Variants in MACROD2 observed in about 807,000 individuals in gnomAD.
MACROD2 encodes the protein ADP-ribose glycohydrolase MACROD2.
MACROD2 carries 36 observed loss-of-function variants against 70.4 expected under a neutral mutation model. That is an observed-to-expected ratio of 0.51 (90% CI 0.39 to 0.68). MACROD2 has a LOEUF of 0.68. Ranked by LOEUF, MACROD2 falls within the 30% of genes least tolerant of loss-of-function variation. The pLI, the probability that MACROD2 is intolerant of heterozygous loss-of-function variation, is 0.00. For missense variants in MACROD2, 496 were observed against 538.4 expected (o/e 0.92, Z 0.78); for synonymous variants, 172 against 178.8 (o/e 0.96, Z 0.30).
chr20:15,575,236 T>C (rs1157539704), intron 8 of MACROD2, among the ~76,000 whole-genome samples: 1 of 152,210 alleles, frequency 6.6e-6, no homozygotes, highest in African/African-American at 2.4e-5. Context: ...CACTTTCATA[T>C]TTTCTGCTTG....
At position 15,998,651 on chromosome 20, in the gene MACROD2, G is replaced by A. The variant is rs189650461; in HGVS notation, c.1153+11493G>A. On this transcript the variant is annotated intron_variant, in intron 15 of 17. Coordinates refer to ENST00000684519, the MANE Select transcript of MACROD2 (RefSeq NM_001351661.2). Reference sequence around the variant, plus strand: ...GTGATCTTGGCTCACTGCAAGCTCCGCCTCCTGGGTTCATGCCATTCTCCT... The same window carrying A: ...GTGATCTTGGCTCACTGCAAGCTCCACCTCCTGGGTTCATGCCATTCTCCT... Among the ~76,000 whole-genome samples, 803 of 146,184 alleles carry A rather than the reference G, an allele frequency of 5.5e-3. 2 individuals carry two copies. The highest frequency in any genetic ancestry group is 7.4e-3 in the Non-Finnish European group (494 of 67,126).
At chr20:15,555,486 T>G (rs904235381) in intron 8 of MACROD2, among the ~76,000 whole-genome samples, 2 of 152,210 alleles carry the variant, frequency 1.3e-5, no homozygotes, top group East Asian at 1.9e-4. Flanking sequence ...ATACTGTAAC[T>G]GTTGATCATG....
At chr20:15,775,304 A>G (rs1369378833) in intron 8 of MACROD2, among the ~76,000 whole-genome samples, 1 of 152,146 alleles carries the variant, frequency 6.6e-6, no homozygotes, top group African/African-American at 2.4e-5. Flanking sequence ...GGTGAAGCCA[A>G]GGTCGCAAAA....
intron 10 of MACROD2, among the ~76,000 whole-genome samples, chr20:15,929,447 C>T (rs369014003): frequency 8.3e-6 from 1 of 120,296 alleles, no homozygotes; most frequent in African/African-American, 2.7e-5. Flanking sequence ...TATATATATA[C>T]ACATATACAC....
intron 5 of MACROD2, among the ~76,000 whole-genome samples, chr20:14,727,543 A>AAG (rs146243301): frequency 4.9e-4 from 74 of 150,892 alleles, no homozygotes; most frequent in South Asian, 2.1e-3. Flanking sequence ...TCAAAACAGA[A>AAG]AGAGAGAGAG....
chr20:15,389,907 G>T (rs916167085), intron 6 of MACROD2, among the ~76,000 whole-genome samples: 1 of 152,090 alleles, frequency 6.6e-6, no homozygotes, highest in African/African-American at 2.4e-5. Flanking sequence ...TGCAAAATCA[G>T]GGTAAATAAT....
intron 8 of MACROD2, among the ~76,000 whole-genome samples, chr20:15,653,409 C>T (rs184536819): frequency 9.8e-5 from 15 of 152,296 alleles, no homozygotes; most frequent in African/African-American, 3.4e-4. Context: ...AATCAGCTGT[C>T]GTGCAGTAGA....
In MACROD2 at chr20:15,677,833, C is replaced by T. The variant is rs535484116; in HGVS notation, c.645+177986C>T. On this transcript the variant is annotated intron_variant, in intron 8 of 17. Coordinates refer to ENST00000684519, the MANE Select transcript of MACROD2 (RefSeq NM_001351661.2). ...CCTGTAATCCCAGCACTTGGGGAGGCCGAGGCAGGTGGATCATGAGGTCAA... is the reference window on the plus strand; with the variant it reads ...CCTGTAATCCCAGCACTTGGGGAGGTCGAGGCAGGTGGATCATGAGGTCAA... Among the ~76,000 whole-genome samples the T allele has an allele frequency of 8.8e-4, 134 of 152,242 alleles. No homozygotes were observed. In the South Asian group the frequency reaches 9.7e-3, roughly 11 times the overall value.
At chr20:15,541,027 T>C (rs1044748108) in intron 8 of MACROD2, among the ~76,000 whole-genome samples, 7 of 152,178 alleles carry the variant, frequency 4.6e-5, no homozygotes, top group African/African-American at 1.4e-4. Flanking sequence ...GTACTGTGGT[T>C]TAGGTCTTCA....
At chr20:15,364,848 T>C (rs1383427841) in intron 6 of MACROD2, among the ~76,000 whole-genome samples, 2 of 152,238 alleles carry the variant, frequency 1.3e-5, no homozygotes, top group African/African-American at 4.8e-5. Context: ...GGTTAAAACC[T>C]AGTGTAGACA....
chr20:15,649,079 T>TCCCC (rs1183129048), intron 8 of MACROD2, among the ~76,000 whole-genome samples: 7 of 57,750 alleles, frequency 1.2e-4, no homozygotes, highest in Admixed American at 5.7e-4. Flanking sequence ...TCCCCTCCCC[T>TCCCC]TCCCTCCCCT....
chr20:15,591,427 A>AGAACCTGACATGACAC lies in MACROD2; in HGVS notation c.645+91581_645+91596dup, dbSNP rs543762118. On this transcript the variant is annotated intron_variant, in intron 8 of 17. Transcript: ENST00000684519. ...CCAACCGGTCAACACCAACATGACA[A>AGAACCTGACATGACAC]GAACCTGACATGACACCTAATTCCT... is the stretch of plus-strand genomic sequence containing the variant. 2.2e-3 allele frequency among the ~76,000 whole-genome samples: 337 copies of AGAACCTGACATGACAC among 152,244 alleles called. 7 individuals carry two copies. Among genetic ancestry groups the AGAACCTGACATGACAC allele is most frequent in the Admixed American group, 0.019 (293 of 15,276 alleles).
intron 8 of MACROD2, among the ~76,000 whole-genome samples, chr20:15,701,134 A>G (rs1291559828): frequency 6.6e-6 from 1 of 152,290 alleles, no homozygotes; most frequent in African/African-American, 2.4e-5. Context: ...TCTTTTTGTA[A>G]GTTTCACTGG....
intron 5 of MACROD2, among the ~76,000 whole-genome samples, chr20:15,052,481 T>C (rs948384449): frequency 2.0e-5 from 3 of 152,218 alleles, no homozygotes; most frequent in African/African-American, 4.8e-5. Context: ...TTTTTTGTTA[T>C]TCTTATCTAT....
At chr20:15,048,199 C>T (rs1198294974) in intron 5 of MACROD2, among the ~76,000 whole-genome samples, 1 of 152,096 alleles carries the variant, frequency 6.6e-6, no homozygotes, top group African/African-American at 2.4e-5. Flanking sequence ...TTGCTTGAAC[C>T]CAGGAGGCAG....
In MACROD2 at chr20:15,230,048, A is replaced by G. The variant is rs746044468; in HGVS notation, c.527A>G (p.Asn176Ser). 38 of 1,613,212 alleles carry G rather than the reference A, an allele frequency of 2.4e-5. No homozygotes were observed. The highest frequency in any genetic ancestry group is 3.1e-5 in the Non-Finnish European group (37 of 1,179,590). ...TCTCTGAAGCTCGTGAAAGAAAATAACATCCGATCAGTTGTAAGTAATTTT... is the reference window on the plus strand; with the variant it reads ...TCTCTGAAGCTCGTGAAAGAAAATAGCATCCGATCAGTTGTAAGTAATTTT... ...KSSLKLVKEN[N>S]IRSVAFPCIS... The change falls in exon 6 of 18, where the codon AAC becomes AGC. Residue 176 changes from asparagine (N) to serine (S), a missense_variant. Transcript: ENST00000684519.
At chr20:15,845,028 T>C (rs934244315) in intron 8 of MACROD2, among the ~76,000 whole-genome samples, 1 of 152,136 alleles carries the variant, frequency 6.6e-6, no homozygotes, top group Non-Finnish European at 1.5e-5. Context: ...TTTCACATCA[T>C]ACTCTAGTCA....
intron 5 of MACROD2, among the ~76,000 whole-genome samples, chr20:14,940,148 CAAAAAAAAAAAAA>C (rs57697517): frequency 1.1e-4 from 6 of 55,106 alleles, no homozygotes; most frequent in East Asian, 5.7e-4. Flanking sequence ...CTCATCTCTG[CAAAAAAAAAAAAA>C]AAAAAAAAAA....
At chr20:15,543,646 G>A (rs763451265) in intron 8 of MACROD2, among the ~76,000 whole-genome samples, 49 of 151,976 alleles carry the variant, frequency 3.2e-4, no homozygotes, top group Non-Finnish European at 6.0e-4. Flanking sequence ...ATTTCAAGCA[G>A]TGGCTTAAAA....
Sources: allele counts gnomAD v4.1 joint callset (sites outside exome capture counted in the v4.1 genomes callset), GRCh38; gene constraint gnomAD v4.1.1; transcripts MANE v1.5; gene names NCBI Gene and HGNC (gene_info 2026-07-23, HGNC 2026-07-21).